The following TENM3 variants were observed in gnomAD, a reference collection of about 807,000 sequenced individuals.
The protein encoded by TENM3 is teneurin-3.
Under a neutral mutation model 255.1 loss-of-function variants are expected in TENM3, and 63 were observed. The ratio of observed to expected loss-of-function variants is 0.25; its 90% CI spans 0.20 to 0.30. The LOEUF (loss-of-function observed/expected upper bound fraction) is 0.30. Among genes scored for constraint, TENM3 ranks in the 10% least tolerant of loss-of-function variants. The pLI is 1.00. For missense variants in TENM3, 2,929 were observed against 3,461.1 expected (o/e 0.85, Z 3.86); for synonymous variants, 1,306 against 1,322.3 (o/e 0.99, Z 0.27).
chr4:182,742,309 G>A (rs1761666617), intron 18 of TENM3, among the ~76,000 whole-genome samples: 1 of 152,198 alleles, frequency 6.6e-6, no homozygotes, highest in Non-Finnish European at 1.5e-5. Flanking sequence ...GACCATAAAA[G>A]AGCAGACTGG....
chr4:181,576,445 T>C, the TENM3 span, among the ~76,000 whole-genome samples: 1 of 152,190 alleles, frequency 6.6e-6, no homozygotes, highest in African/African-American at 2.4e-5. Context: ...AGATACCCAG[T>C]AGTGGGATTG....
chr4:181,878,834 C>A, the TENM3 span, among the ~76,000 whole-genome samples: 1 of 152,112 alleles, frequency 6.6e-6, no homozygotes, highest in East Asian at 1.9e-4. Flanking sequence ...TACCTACCTA[C>A]CTACCTGCTT....
chr4:181,744,130 C>T, the TENM3 span, among the ~76,000 whole-genome samples: 2,252 of 152,260 alleles, frequency 0.015, 65 homozygotes, highest in African/African-American at 0.052. Flanking sequence ...CAAATCCATC[C>T]ATGTCGCTGC....
chr4:182,123,508 C>CT, the TENM3 span, among the ~76,000 whole-genome samples: 1 of 152,134 alleles, frequency 6.6e-6, no homozygotes, highest in African/African-American at 2.4e-5. Context: ...GTCTCAGGGA[C>CT]TAGATGGGCC....
the TENM3 span, among the ~76,000 whole-genome samples, chr4:182,020,111 T>A: frequency 6.6e-6 from 1 of 151,880 alleles, no homozygotes; most frequent in Non-Finnish European, 1.5e-5. Flanking sequence ...ATGCCTGTAA[T>A]CACAGCACTT....
At chr4:182,662,628 G>A (rs1009117377) in intron 6 of TENM3, among the ~76,000 whole-genome samples, 8 of 152,170 alleles carry the variant, frequency 5.3e-5, no homozygotes, top group Admixed American at 3.9e-4. Flanking sequence ...CTCAGTAAGG[G>A]AGGATAGAGA....
intron 3 of TENM3, among the ~76,000 whole-genome samples, chr4:182,547,405 T>C (rs1349127639): frequency 1.3e-5 from 2 of 152,212 alleles, no homozygotes; most frequent in Non-Finnish European, 2.9e-5. Flanking sequence ...ATAATTTTGC[T>C]TCAAAATAAA....
chr4:182,717,020 AAAG>A (rs1176543683), intron 13 of TENM3, among the ~76,000 whole-genome samples: 3 of 150,992 alleles, frequency 2.0e-5, no homozygotes, highest in Non-Finnish European at 4.4e-5. Context: ...AGTGTTTGTA[AAAG>A]AAGAGCAAAG....
intron 3 of TENM3, among the ~76,000 whole-genome samples, chr4:182,365,024 C>T (rs770800510): frequency 3.9e-5 from 6 of 152,162 alleles, no homozygotes; most frequent in Non-Finnish European, 7.4e-5. Context: ...AATTTATACT[C>T]CCAACAGTAT....
chr4:182,067,147 G>C, the TENM3 span, among the ~76,000 whole-genome samples: 1 of 152,152 alleles, frequency 6.6e-6, no homozygotes, highest in African/African-American at 2.4e-5. Context: ...AACAGAAGGA[G>C]AGTAAGACTT....
the TENM3 span, among the ~76,000 whole-genome samples, chr4:182,120,628 C>A: frequency 1.3e-5 from 2 of 152,060 alleles, no homozygotes; most frequent in Admixed American, 1.3e-4. Flanking sequence ...GAAGAAGGGT[C>A]ATTTGCAACT....
intron 3 of TENM3, among the ~76,000 whole-genome samples, chr4:182,522,031 G>A (rs1215154583): frequency 6.6e-6 from 1 of 152,144 alleles, no homozygotes; most frequent in Non-Finnish European, 1.5e-5. Context: ...TTTCATACAG[G>A]AAGGGAAAAA....
chr4:181,514,041 C>T, the TENM3 span, among the ~76,000 whole-genome samples: 1 of 152,160 alleles, frequency 6.6e-6, no homozygotes, highest in Non-Finnish European at 1.5e-5. Flanking sequence ...ACCACAAGCA[C>T]AACACACATA....
At chr4:182,477,345 G>T (rs923426432) in intron 3 of TENM3, among the ~76,000 whole-genome samples, 1 of 152,142 alleles carries the variant, frequency 6.6e-6, no homozygotes, top group African/African-American at 2.4e-5. Context: ...ACTGTCTTCC[G>T]TCTTTTGCCG....
At chr4:181,722,113 C>G in the TENM3 span, among the ~76,000 whole-genome samples, 1 of 152,138 alleles carries the variant, frequency 6.6e-6, no homozygotes, top group Non-Finnish European at 1.5e-5. Flanking sequence ...TGAAATACCT[C>G]TAGGAAGCCA....
intron 3 of TENM3, among the ~76,000 whole-genome samples, chr4:182,435,037 A>G (rs1771944931): frequency 6.6e-6 from 1 of 152,230 alleles, no homozygotes. Context: ...CTATAAAAAT[A>G]TAATTCTGGA....
intron 3 of TENM3, among the ~76,000 whole-genome samples, chr4:182,463,797 A>T (rs1446923835): frequency 1.3e-5 from 2 of 151,718 alleles, no homozygotes; most frequent in African/African-American, 2.4e-5. Flanking sequence ...CTAATTTTGT[A>T]TTTTTAGTAA....
chr4:181,624,281 G>A, the TENM3 span, among the ~76,000 whole-genome samples: 51 of 152,288 alleles, frequency 3.3e-4, no homozygotes, highest in East Asian at 6.2e-3. Flanking sequence ...ATCGCCACTC[G>A]CTGGCAAATG....
chr4:181,838,911 TTTG>T, the TENM3 span, among the ~76,000 whole-genome samples: 4 of 151,986 alleles, frequency 2.6e-5, 1 homozygote, highest in African/African-American at 9.6e-5. Flanking sequence ...TCTCTCTTAT[TTTG>T]TTGTTATTTT....
Sources: gnomAD v4.1 joint callset for allele counts (sites outside exome capture counted in the v4.1 genomes callset) on GRCh38, gnomAD v4.1.1 for gene constraint, MANE v1.5 for transcripts, NCBI Gene and HGNC (gene_info 2026-07-23, HGNC 2026-07-21) for gene names.